The following DTNA variants were observed in gnomAD, a reference collection of about 807,000 sequenced individuals.
The protein encoded by DTNA is dystrophin-related protein 3.
DTNA carries 43 observed loss-of-function variants against 100.7 expected under a neutral mutation model. The observed-to-expected ratio is 0.43, with a 90% CI of 0.33 to 0.55. DTNA has a LOEUF of 0.55. Ranked by LOEUF, DTNA falls within the 20% of genes least tolerant of loss-of-function variation. The pLI is 0.04. For synonymous variants in DTNA, 349 were observed against 347.9 expected, an observed-to-expected ratio of 1.00 and a Z score of -0.04; for missense variants, 798 against 953.9, an observed-to-expected ratio of 0.84 and a Z score of 2.15.
At chr18:34,617,792 A>G (rs766197484) in intron 1 of DTNA, among the ~76,000 whole-genome samples, 15 of 152,144 alleles carry the variant, frequency 9.9e-5, no homozygotes, top group Non-Finnish European at 1.6e-4. Flanking sequence ...ACATAATGCT[A>G]TTGCACACTT....
chr18:34,765,941 G>A lies in DTNA; in HGVS notation c.68-20G>A. ...TCTGCACACATGGCATACCTTATGT[G>A]TCCTTTTTCCCCGCACTAGGGGCTC... On this transcript the variant is annotated intron_variant, in intron 2 of 22. Transcript: ENST00000444659. 1.2e-6 allele frequency: 2 copies of A among 1,613,180 alleles called. No homozygotes were observed. The highest frequency in any genetic ancestry group is 1.7e-6 in the Non-Finnish European group (2 of 1,179,346).
intron 1 of DTNA, among the ~76,000 whole-genome samples, chr18:34,651,105 T>G (rs2060392292): frequency 1.3e-5 from 2 of 152,172 alleles, no homozygotes; most frequent in Non-Finnish European, 2.9e-5. Context: ...ATTTTTGTAG[T>G]CTGTCTTTAT....
rs8084313 is a variant in DTNA at position 34,577,107 on chromosome 18, C to G, written c.-2+83593C>G. The stretch of plus-strand genomic sequence containing the variant: ...TGCTTGCCTTTAAACAATGATTATG[C>G]GTTTGTCTATTCTCACTTTAATTTT... On this transcript the variant is annotated intron_variant, in intron 1 of 19. Coordinates refer to the DTNA transcript ENST00000283365. Among the ~76,000 whole-genome samples the G allele has an allele frequency of 2.9e-3, 444 of 152,118 alleles. 2 individuals carry two copies. The highest frequency in any genetic ancestry group is 9.8e-3 in the African/African-American group (405 of 41,482).
chr18:34,779,755 T>C (rs1005781516), intron 3 of DTNA, among the ~76,000 whole-genome samples: 4 of 152,198 alleles, frequency 2.6e-5, no homozygotes, highest in Non-Finnish European at 4.4e-5. Flanking sequence ...GCACTATCTT[T>C]GCATTTAAAA....
intron 1 of DTNA, among the ~76,000 whole-genome samples, chr18:34,674,790 A>G (rs930430141): frequency 3.3e-5 from 5 of 152,244 alleles, no homozygotes; most frequent in African/African-American, 1.2e-4. Context: ...ATGAAGAAAC[A>G]AGCAATAAGT....
Position 34,699,376 on chromosome 18 carries a change from CT to C in DTNA, c.-1-56596del, listed in dbSNP as rs1366470993. Among the ~76,000 whole-genome samples, 6 of 152,258 alleles carry C rather than the reference CT, an allele frequency of 3.9e-5. No homozygotes were observed. In the East Asian group the frequency reaches 1.2e-3, roughly 29 times the overall value. ...AAAAGCACACACTCTCTTGCTCAGC[CT>C]TTTGTTTTATTCAGACACTGTAATT... On this transcript the variant is annotated intron_variant, in intron 1 of 19. Transcript: ENST00000283365.
chr18:34,755,875 A>G (rs1325429929), intron 1 of DTNA, 101 bp from the exon 2 acceptor site: 5 of 998,624 alleles, frequency 5.0e-6, no homozygotes, highest in African/African-American at 4.8e-5. Context: ...TAGGTTTTCT[A>G]TGTGTTTGTG....
intron 1 of DTNA, among the ~76,000 whole-genome samples, chr18:34,640,553 A>C (rs1157178452): frequency 6.6e-6 from 1 of 152,188 alleles, no homozygotes; most frequent in Non-Finnish European, 1.5e-5. Flanking sequence ...TTGTTCATTC[A>C]TCCTATAGAC....
intron 1 of DTNA, among the ~76,000 whole-genome samples, chr18:34,555,026 A>G (rs1490778150): frequency 1.6e-5 from 2 of 123,832 alleles, no homozygotes; most frequent in Non-Finnish European, 1.7e-5. Flanking sequence ...TGGTTGGTAA[A>G]CTATTGATTA....
chr18:34,775,668 G>T (rs556096597), intron 3 of DTNA, among the ~76,000 whole-genome samples: 1 of 152,314 alleles, frequency 6.6e-6, no homozygotes, highest in South Asian at 2.1e-4. Context: ...CAGCCAGCAA[G>T]GAATAGGGAC....
intron 1 of DTNA, among the ~76,000 whole-genome samples, chr18:34,691,080 A>G (rs550067253): frequency 6.6e-6 from 1 of 152,316 alleles, no homozygotes; most frequent in Non-Finnish European, 1.5e-5. Flanking sequence ...TAGGTAAAAT[A>G]ATCACCAAGT....
chr18:34,688,183 C>G (rs955576023), intron 1 of DTNA, among the ~76,000 whole-genome samples: 1 of 152,076 alleles, frequency 6.6e-6, no homozygotes, highest in African/African-American at 2.4e-5. Context: ...ATCCTGTCAT[C>G]ATGATGCTAG....
rs573321222 is a variant in DTNA, at chr18:34,710,674, G to A, written c.-2+229G>A. Among the ~76,000 whole-genome samples, 4 of 142,086 alleles carry A rather than the reference G, an allele frequency of 2.8e-5. No homozygotes were observed. In the South Asian group the frequency reaches 8.6e-4, roughly 30 times the overall value. The allele number at this position is 142,086 out of a possible 152,430, so 93.2% of individuals were successfully genotyped here. A position where few individuals can be genotyped will look rare whatever the true frequency, so the allele number is the denominator to read the frequency against. ...GTTTTATGGCAGTGTGTGTGTGTGGGAGTGTGTGTGTGTGTGTGTGTGTGT... is the reference window on the plus strand; with the variant it reads ...GTTTTATGGCAGTGTGTGTGTGTGGAAGTGTGTGTGTGTGTGTGTGTGTGT... On this transcript the variant is annotated intron_variant, in intron 1 of 22. Transcript: ENST00000444659.
At chr18:34,886,698 G>A (rs1441692383) in intron 22 of DTNA, among the ~76,000 whole-genome samples, 2 of 152,136 alleles carry the variant, frequency 1.3e-5, no homozygotes, top group African/African-American at 2.4e-5. Flanking sequence ...AAATTAGACT[G>A]TTGTAGTCTT....
intron 11 of DTNA, among the ~76,000 whole-genome samples, chr18:34,831,999 T>A (rs1207901689): frequency 1.3e-5 from 2 of 152,236 alleles, no homozygotes; most frequent in African/African-American, 4.8e-5. Context: ...ACCCAAAGAT[T>A]CTTTACTTAA....
intron 1 of DTNA, among the ~76,000 whole-genome samples, chr18:34,571,636 G>A (rs1232992535): frequency 1.3e-5 from 2 of 152,080 alleles, no homozygotes; most frequent in Non-Finnish European, 2.9e-5. Context: ...TGTGATTTGA[G>A]GTGCTCTTAA....
chr18:34,559,940 G>C (rs1158970066), intron 1 of DTNA, among the ~76,000 whole-genome samples: 14 of 152,290 alleles, frequency 9.2e-5, no homozygotes, highest in Non-Finnish European at 2.9e-5. Context: ...GAATTATTAT[G>C]ATTGTAAACT....
At chr18:34,884,383 C>CTGGAGTTTT (rs2150441170) in intron 21 of DTNA, among the ~76,000 whole-genome samples, 1 of 152,308 alleles carries the variant, frequency 6.6e-6, no homozygotes, top group Admixed American at 6.5e-5. Flanking sequence ...TAAGATTCAA[C>CTGGAGTTTT]TGGAGTTTTT....
At chr18:34,542,830 C>G (rs1470500275) in intron 1 of DTNA, among the ~76,000 whole-genome samples, 1 of 152,100 alleles carries the variant, frequency 6.6e-6, no homozygotes, top group Non-Finnish European at 1.5e-5. Context: ...TCTGCTTACA[C>G]CAGCATTTTA....
Sources: allele counts gnomAD v4.1 joint callset (sites outside exome capture counted in the v4.1 genomes callset), GRCh38; gene constraint gnomAD v4.1.1; transcripts MANE v1.5; gene names NCBI Gene and HGNC (gene_info 2026-07-23, HGNC 2026-07-21).